RABGAP1L: variants seen among roughly 807,000 people sequenced by gnomAD.
RABGAP1L encodes the protein RAB GTPase activating protein 1 like.
RABGAP1L carries 63 observed loss-of-function variants against 137.7 expected under a neutral mutation model. The ratio of observed to expected loss-of-function variants is 0.46; its 90% CI spans 0.37 to 0.56. The LOEUF (loss-of-function observed/expected upper bound fraction) is 0.56. RABGAP1L is among the 20% of genes least tolerant of loss of function. The pLI is 0.00. For synonymous variants in RABGAP1L, 431 were observed against 433.7 expected, an observed-to-expected ratio of 0.99 and a Z score of 0.08; for missense variants, 1,095 against 1,244.0, an observed-to-expected ratio of 0.88 and a Z score of 1.80.
At chr1:174,988,444 G>A (rs1286682732) in intron 24 of RABGAP1L, among the ~76,000 whole-genome samples, 197 bp from the exon 25 acceptor site, 2 of 152,146 alleles carry the variant, frequency 1.3e-5, no homozygotes, top group African/African-American at 4.8e-5. Context: ...AGATACTTCA[G>A]GAAAAAGGAG....
At position 174,963,580 on chromosome 1, in the gene RABGAP1L, T is replaced by G. The variant is rs564448169; in HGVS notation, c.2434-5697T>G. On this transcript the variant is annotated intron_variant, in intron 20 of 25. Coordinates refer to ENST00000681986, the MANE Select transcript of RABGAP1L (RefSeq NM_001366446.1). ...TTTAAGTATTACTGAGAAAATTACC[T>G]GACACTAATATGTTTCTATATCATC... Among the ~76,000 whole-genome samples, 8 of 151,876 alleles carry G rather than the reference T, an allele frequency of 5.3e-5. 1 individual carries two copies. The South Asian group carries it at 1.5e-3, about 28-fold the overall frequency.
chr1:174,362,165 T>G (rs1017524128), intron 11 of RABGAP1L, among the ~76,000 whole-genome samples: 1 of 152,258 alleles, frequency 6.6e-6, no homozygotes, highest in Admixed American at 6.5e-5. Context: ...TGCCACATTT[T>G]CTTTATCCAG....
At chr1:174,934,441 A>G (rs577373098) in intron 19 of RABGAP1L, among the ~76,000 whole-genome samples, 1 of 152,244 alleles carries the variant, frequency 6.6e-6, no homozygotes, top group South Asian at 2.1e-4. Context: ...AAGAATGTAC[A>G]GTTAATGAAC....
intron 10 of RABGAP1L, among the ~76,000 whole-genome samples, chr1:174,280,048 G>GGAGGGAGAGAGAGAGA (rs1476116577): frequency 8.0e-5 from 10 of 125,306 alleles, no homozygotes; most frequent in South Asian, 3.1e-4. Context: ...CTGTCTGCCT[G>GGAGGGAGAGAGAGAGA]GAGAGAGAGA....
chr1:174,764,782 TTC>T (rs1685532810), intron 18 of RABGAP1L, among the ~76,000 whole-genome samples: 2 of 152,190 alleles, frequency 1.3e-5, no homozygotes, highest in African/African-American at 2.4e-5. Flanking sequence ...GCATTGTTCT[TTC>T]TTAGAGTAGC....
chr1:174,821,537 A>AT (rs1214263205), intron 19 of RABGAP1L, among the ~76,000 whole-genome samples: 1 of 152,086 alleles, frequency 6.6e-6, no homozygotes, highest in Admixed American at 6.5e-5. Flanking sequence ...CTAGAATTTA[A>AT]TTTTTTTTCT....
intron 19 of RABGAP1L, among the ~76,000 whole-genome samples, chr1:174,851,453 C>T (rs1273662613): frequency 9.3e-5 from 4 of 42,958 alleles, no homozygotes; most frequent in Non-Finnish European, 3.4e-4. Flanking sequence ...ATATCTGTCT[C>T]AGTCTTTAGA....
At chr1:174,187,535 T>C (rs1298035285) in intron 1 of RABGAP1L, among the ~76,000 whole-genome samples, 1 of 152,102 alleles carries the variant, frequency 6.6e-6, no homozygotes, top group African/African-American at 2.4e-5. Flanking sequence ...TAGCCTATAG[T>C]ACATTTTAAA....
intron 18 of RABGAP1L, among the ~76,000 whole-genome samples, chr1:174,764,784 C>T (rs1685533442): frequency 6.6e-6 from 1 of 152,112 alleles, no homozygotes; most frequent in Non-Finnish European, 1.5e-5. Flanking sequence ...ATTGTTCTTT[C>T]TTAGAGTAGC....
chr1:174,414,969 T>C (rs766384666), intron 13 of RABGAP1L, among the ~76,000 whole-genome samples: 29 of 152,098 alleles, frequency 1.9e-4, no homozygotes, highest in Non-Finnish European at 3.2e-4. Context: ...AGATTATTGT[T>C]GGCCTTGGAA....
Position 174,991,824 on chromosome 1 carries a change from TG to T in RABGAP1L, c.*1825del, listed in dbSNP as rs1295379802. On this transcript the variant is annotated 3_prime_UTR_variant, in exon 26 of 26. Coordinates refer to ENST00000681986, the MANE Select transcript of RABGAP1L (RefSeq NM_001366446.1). ...ATGTAATAGCTAGAAAATGTTATCT[TG>T]GCGCTTGTTTTTGTAAATCATTTAG... is the stretch of plus-strand genomic sequence containing the variant. 7 of 151,652 alleles carry T rather than the reference TG, an allele frequency of 4.6e-5. No individual in the cohort carries two copies. Among genetic ancestry groups the T allele is most frequent in the Admixed American group, 4.6e-4 (7 of 15,230 alleles). The allele number at this position is 151,652 out of a possible 1,614,324, so 9.4% of individuals were successfully genotyped here.
chr1:174,843,430 A>G (rs1693660914), intron 19 of RABGAP1L, among the ~76,000 whole-genome samples: 1 of 142,492 alleles, frequency 7.0e-6, no homozygotes, highest in South Asian at 2.2e-4. Flanking sequence ...TCCTGTGTCC[A>G]TGTGATCTCA....
At chr1:174,938,953 T>C (rs1038183529) in intron 19 of RABGAP1L, among the ~76,000 whole-genome samples, 6 of 152,172 alleles carry the variant, frequency 3.9e-5, no homozygotes, top group Admixed American at 3.9e-4. Context: ...CAATCGTTTA[T>C]GTGTAAACTG....
At chr1:174,220,513 C>A (rs939252682) in intron 2 of RABGAP1L, among the ~76,000 whole-genome samples, 23 of 151,980 alleles carry the variant, frequency 1.5e-4, no homozygotes, top group African/African-American at 5.6e-4. Flanking sequence ...ACAAAAAATA[C>A]AAAAATTAGC....
chr1:174,259,109 G>T lies in RABGAP1L; in HGVS notation c.986+6519G>T, dbSNP rs538174179. 8.7e-3 allele frequency among the ~76,000 whole-genome samples: 1,222 copies of T among 140,416 alleles called. 9 individuals carry two copies. Among genetic ancestry groups the T allele is most frequent in the Non-Finnish European group, 0.014 (905 of 63,170 alleles). The allele number at this position is 140,416 out of a possible 152,430, so 92.1% of individuals were successfully genotyped here. On this transcript the variant is annotated intron_variant, in intron 7 of 25. Transcript: ENST00000681986. ...TGGCCAATATTCTGTTTTTTTTTTT[G>T]AAAAATATATTATGAAAGAAGCCAT...
At chr1:174,839,056 TTGGTAGGG>T (rs1693105946) in intron 19 of RABGAP1L, among the ~76,000 whole-genome samples, 4 of 140,938 alleles carry the variant, frequency 2.8e-5, no homozygotes, top group Admixed American at 7.1e-5. Flanking sequence ...TGTGTGTGTG[TTGGTAGGG>T]GTGGGGGTAG....
intron 18 of RABGAP1L, among the ~76,000 whole-genome samples, chr1:174,797,646 T>TG (rs2148814854): frequency 1.8e-5 from 1 of 56,638 alleles, no homozygotes; most frequent in African/African-American, 7.4e-5. Context: ...GGGGGGTGTG[T>TG]GGGGAGTGTG....
At chr1:174,336,642 A>G (rs1226236524) in intron 11 of RABGAP1L, among the ~76,000 whole-genome samples, 2 of 152,200 alleles carry the variant, frequency 1.3e-5, no homozygotes, top group East Asian at 1.9e-4. Flanking sequence ...TTCCTAAAAA[A>G]TGTCTGGATA....
intron 17 of RABGAP1L, among the ~76,000 whole-genome samples, chr1:174,729,292 G>A (rs1330149140): frequency 6.6e-6 from 1 of 152,082 alleles, no homozygotes; most frequent in Admixed American, 6.6e-5. Context: ...GAATGAAACT[G>A]GACCCCTACC....
Sources: allele counts gnomAD v4.1 joint callset (sites outside exome capture counted in the v4.1 genomes callset), GRCh38; gene constraint gnomAD v4.1.1; transcripts MANE v1.5; gene names NCBI Gene and HGNC (gene_info 2026-07-23, HGNC 2026-07-21).